STK32B: variants seen among roughly 807,000 people sequenced by gnomAD.
The protein encoded by STK32B is serine/threonine-protein kinase 32B.
STK32B carries 43 observed loss-of-function variants against 52.6 expected under a neutral mutation model. The ratio of observed to expected loss-of-function variants is 0.82; its 90% confidence interval spans 0.64 to 1.05. The LOEUF (loss-of-function observed/expected upper bound fraction) is 1.05, where lower values mean the gene tolerates loss of function less well. STK32B is among the 50% of genes least tolerant of loss of function. STK32B has a pLI of 0.00. For missense variants in STK32B, 621 were observed against 534.6 expected (o/e 1.16, Z -1.59); for synonymous variants, 238 against 204.3 (o/e 1.17, Z -1.41).
chr4:5,278,721 T>A, intron 3 of STK32B, among the ~76,000 whole-genome samples: 1 of 152,114 alleles, frequency 6.6e-6, no homozygotes, highest in Non-Finnish European at 1.5e-5. Context: ...ACTGGGTAAT[T>A]TATGGATAAA....
intron 11 of STK32B, among the ~76,000 whole-genome samples, chr4:5,476,041 C>G (rs1577566748): frequency 6.6e-6 from 1 of 151,916 alleles, no homozygotes; most frequent in African/African-American, 2.4e-5. Context: ...ATTACAGGCA[C>G]CCGCCACCAC....
intron 3 of STK32B, among the ~76,000 whole-genome samples, chr4:5,275,880 A>G (rs1328064453): frequency 6.6e-6 from 1 of 152,124 alleles, no homozygotes; most frequent in African/African-American, 2.4e-5. Flanking sequence ...TATTTTAAAC[A>G]GAACCTATTT....
chr4:5,144,207 A>G (rs113946147), intron 2 of STK32B, among the ~76,000 whole-genome samples: 58 of 152,176 alleles, frequency 3.8e-4, no homozygotes, highest in African/African-American at 1.3e-3. Context: ...AACTGGACAA[A>G]CAAGGATTCA....
At chr4:5,238,050 AT>A (rs1724754071) in intron 3 of STK32B, among the ~76,000 whole-genome samples, 2 of 152,178 alleles carry the variant, frequency 1.3e-5, no homozygotes, top group Admixed American at 1.3e-4. Flanking sequence ...CTCACATTCT[AT>A]GATTGTGATT....
chr4:5,222,969 A>G (rs2108798171), intron 3 of STK32B, among the ~76,000 whole-genome samples: 2 of 152,362 alleles, frequency 1.3e-5, no homozygotes. Context: ...TCACAGGCCC[A>G]GAGTGCCAGG....
chr4:5,276,410 A>G (rs185511911), intron 3 of STK32B, among the ~76,000 whole-genome samples: 1 of 152,310 alleles, frequency 6.6e-6, no homozygotes, highest in Admixed American at 6.5e-5. Context: ...GCCCTCTCCT[A>G]ATATACTGCC....
chr4:5,292,182 A>T (rs1268795424), intron 3 of STK32B, among the ~76,000 whole-genome samples: 1 of 152,166 alleles, frequency 6.6e-6, no homozygotes, highest in African/African-American at 2.4e-5. Context: ...GCTGGACCAC[A>T]CAGTAATTCT....
At chr4:5,150,269 A>G (rs909590620) in intron 2 of STK32B, among the ~76,000 whole-genome samples, 1 of 152,084 alleles carries the variant, frequency 6.6e-6, no homozygotes, top group African/African-American at 2.4e-5. Context: ...TATTTCAGTC[A>G]TATTACCTTT....
chr4:5,465,136 C>T (rs1717338198), intron 9 of STK32B, among the ~76,000 whole-genome samples: 1 of 152,146 alleles, frequency 6.6e-6, no homozygotes, highest in South Asian at 2.1e-4. Context: ...ACTGAGAAAG[C>T]AAGGGGCAAA....
At chr4:5,261,313 T>C (rs1463995020) in intron 3 of STK32B, among the ~76,000 whole-genome samples, 1 of 152,180 alleles carries the variant, frequency 6.6e-6, no homozygotes, top group East Asian at 1.9e-4. Flanking sequence ...TCCAGATTTG[T>C]ATATTAGAAA....
intron 5 of STK32B, among the ~76,000 whole-genome samples, chr4:5,401,248 A>C (rs1459768159): frequency 6.6e-6 from 1 of 152,194 alleles, no homozygotes; most frequent in Non-Finnish European, 1.5e-5. Flanking sequence ...AGGGCACCCC[A>C]TTCGTGCTGG....
chr4:5,238,141 T>G (rs1047407989), intron 3 of STK32B, among the ~76,000 whole-genome samples: 1 of 152,162 alleles, frequency 6.6e-6, no homozygotes, highest in African/African-American at 2.4e-5. Context: ...AAACTGGGTG[T>G]CTTCAAATAA....
At chr4:5,426,336 CTTTT>C (rs1713088269) in intron 6 of STK32B, among the ~76,000 whole-genome samples, 1 of 152,090 alleles carries the variant, frequency 6.6e-6, no homozygotes, top group Non-Finnish European at 1.5e-5. Context: ...TGTTGAGCAT[CTTTT>C]TGCTTGCCTG....
intron 3 of STK32B, among the ~76,000 whole-genome samples, chr4:5,186,249 A>G (rs115093630): frequency 0.022 from 3,280 of 152,190 alleles, 118 homozygotes; most frequent in African/African-American, 0.074. Context: ...AGATCCTGTT[A>G]TGGCATAAAG....
chr4:5,130,526 C>T (rs939040022), intron 1 of STK32B, among the ~76,000 whole-genome samples: 2 of 152,114 alleles, frequency 1.3e-5, no homozygotes, highest in Non-Finnish European at 2.9e-5. Context: ...TGTGAACAAA[C>T]TCAGCACCCT....
At chr4:5,262,378 G>C (rs750210813) in intron 3 of STK32B, among the ~76,000 whole-genome samples, 19 of 151,946 alleles carry the variant, frequency 1.3e-4, no homozygotes, top group African/African-American at 3.9e-4. Flanking sequence ...TGTAATCCCA[G>C]CACTTTGGGA....
At chr4:5,229,957 T>C (rs1014137088) in intron 3 of STK32B, among the ~76,000 whole-genome samples, 8 of 152,044 alleles carry the variant, frequency 5.3e-5, no homozygotes, top group Non-Finnish European at 1.2e-4. Flanking sequence ...TTTTTGAATA[T>C]GCATGTTTAT....
rs188288598 is a variant in STK32B, at chr4:5,398,637, G to T, written c.472+393G>T. Among the ~76,000 whole-genome samples the T allele has an allele frequency of 6.6e-6, 1 of 152,310 alleles. No individual in the cohort carries two copies. The highest frequency in any genetic ancestry group is 2.4e-5 in the African/African-American group (1 of 41,580). On this transcript the variant is annotated intron_variant, in intron 5 of 11. Coordinates refer to ENST00000282908, the MANE Select transcript of STK32B (RefSeq NM_018401.3). This position sits in a 1 kb window ranked among gnomAD's most constrained non-coding sequence, Gnocchi z 4.9. ...GGGGAGAAGGCACCTCCCTTGCAGGGTGTTCATGAGGGTGAAATGAGAGTA... is the reference window on the plus strand; with the variant it reads ...GGGGAGAAGGCACCTCCCTTGCAGGTTGTTCATGAGGGTGAAATGAGAGTA...
At chr4:5,488,784 T>C (rs1012551084) in intron 11 of STK32B, among the ~76,000 whole-genome samples, 4 of 152,212 alleles carry the variant, frequency 2.6e-5, no homozygotes, top group Admixed American at 6.5e-5. Context: ...CTTCACATCT[T>C]TCTCTCCTAC....
Sources: allele counts gnomAD v4.1 joint callset (sites outside exome capture counted in the v4.1 genomes callset), GRCh38; gene constraint gnomAD v4.1.1; non-coding constraint Gnocchi (gnomAD v3.1); transcripts MANE v1.5; gene names NCBI Gene and HGNC (gene_info 2026-07-23, HGNC 2026-07-21).